The following ACACB variants were observed in gnomAD, a reference collection of about 807,000 sequenced individuals.
The protein encoded by ACACB is acetyl-CoA carboxylase 2.
A neutral mutation model predicts 278.8 loss-of-function variants in ACACB; 209 were observed. The ratio of observed to expected loss-of-function variants is 0.75; its 90% CI spans 0.67 to 0.84. ACACB has a LOEUF of 0.84. ACACB is among the 40% of genes least tolerant of loss of function. ACACB has a pLI of 0.00. For missense variants in ACACB, 2,850 were observed against 3,269.0 expected (o/e 0.87, Z 3.13); for synonymous variants, 1,174 against 1,285.6 (o/e 0.91, Z 1.86).
upstream of ACACB, among the ~76,000 whole-genome samples, chr12:109,112,297 AAT>A (rs1294920697): frequency 6.7e-6 from 1 of 150,228 alleles, no homozygotes; most frequent in Non-Finnish European, 1.5e-5. Flanking sequence ...ATATATATTC[AAT>A]ATATATGTGT....
At chr12:109,250,723 A>G (rs1031520799) in intron 41 of ACACB, among the ~76,000 whole-genome samples, 1 of 152,048 alleles carries the variant, frequency 6.6e-6, no homozygotes, top group Non-Finnish European at 1.5e-5. Context: ...TAGTAGTGGT[A>G]GTAGTGTTTG....
At position 109,246,317 on chromosome 12, in the gene ACACB, T is replaced by A. The variant is rs750750723; in HGVS notation, c.5440T>A (p.Ser1814Thr). The change falls in exon 39 of 53, where the codon TCC becomes ACC. Residue 1814 changes from serine (S) to threonine (T), a missense_variant. Around this residue, in one of 3 missense-constraint regions of ACACB, gnomAD observed 2,265 missense variants for 2,561.3 expected, o/e 0.88. Coordinates refer to ENST00000338432, the MANE Select transcript of ACACB (RefSeq NM_001093.4). Reference protein sequence around the residue: ...PGEDLLYLRASEMARAEGIPK... With the variant: ...PGEDLLYLRATEMARAEGIPK... ...AGAGGACCTTCTGTACCTGCGGGCA[T>A]CCGAGATGGCCCGGGCAGAGGGCAT... The A allele has an allele frequency of 6.2e-7, 1 of 1,612,720 alleles. No individual in the cohort carries two copies. Among genetic ancestry groups the A allele is most frequent in the Non-Finnish European group, 8.5e-7 (1 of 1,179,768 alleles).
At chr12:109,178,010 A>C (rs1463818203) in intron 9 of ACACB, among the ~76,000 whole-genome samples, 4 of 152,186 alleles carry the variant, frequency 2.6e-5, no homozygotes, top group African/African-American at 9.6e-5. Flanking sequence ...GTAGAGAGTC[A>C]GTCAAGTCAG....
intron 18 of ACACB, among the ~76,000 whole-genome samples, chr12:109,200,951 T>C (rs1019983079): frequency 1.3e-5 from 2 of 151,948 alleles, no homozygotes; most frequent in African/African-American, 2.4e-5. Context: ...CACAGAGGTA[T>C]TGGTGGGGGC....
intron 2 of ACACB, among the ~76,000 whole-genome samples, chr12:109,150,487 G>A (rs889322673): frequency 1.3e-5 from 2 of 152,238 alleles, no homozygotes; most frequent in Admixed American, 6.5e-5. Flanking sequence ...GGGTGCTGAA[G>A]TGTTCCTTCC....
intron 11 of ACACB, 142 bp from the exon 12 acceptor site, chr12:109,185,437 G>C: frequency 1.2e-6 from 1 of 866,118 alleles, no homozygotes; most frequent in South Asian, 1.7e-5. Flanking sequence ...GGCCACAGTA[G>C]AGCACCATGT....
intron 28 of ACACB, among the ~76,000 whole-genome samples, chr12:109,230,411 A>AATTCTTTT (rs59829893): frequency 0.39 from 59,410 of 151,252 alleles, 12,647 homozygotes; most frequent in African/African-American, 0.58. Flanking sequence ...CCTGAGAAGG[A>AATTCTTTT]CTCTTTTGAT....
Position 109,167,028 on chromosome 12 carries a change from G to A in ACACB, c.786+35G>A, listed in dbSNP as rs781238531. 19 of 1,612,822 alleles carry A rather than the reference G, an allele frequency of 1.2e-5. 1 individual carries two copies. Among genetic ancestry groups the A allele is most frequent in the East Asian group, 2.2e-5 (1 of 44,830 alleles). Reference sequence around the variant, plus strand: ...GGTCTCGGCACTCTGGGTGGGGTCCGATTGGGGTGCAGGGGCCCCTCCTCT... The same window carrying A: ...GGTCTCGGCACTCTGGGTGGGGTCCAATTGGGGTGCAGGGGCCCCTCCTCT... On this transcript the variant is annotated intron_variant, in intron 3 of 52. Transcript: ENST00000338432.
In ACACB at chr12:109,132,456, C is replaced by A. The variant is rs552813791; in HGVS notation, c.-9-6941C>A. Among the ~76,000 whole-genome samples, 32 of 152,264 alleles carry A rather than the reference C, an allele frequency of 2.1e-4. No homozygotes were observed. The South Asian group carries it at 3.3e-3, about 16-fold the overall frequency. On this transcript the variant is annotated intron_variant, in intron 1 of 52. Transcript: ENST00000338432. ...CTGGGATTACAGGTGTGAGCCATCA[C>A]GCCCGGTCCCATGGAGGTGTTTTAA...
At chr12:109,209,599 G>A (rs547121899) in intron 21 of ACACB, among the ~76,000 whole-genome samples, 5 of 152,150 alleles carry the variant, frequency 3.3e-5, no homozygotes, top group Admixed American at 3.3e-4. Flanking sequence ...CCAAGATTCT[G>A]AATAGGAGTG....
chr12:109,130,881 A>G (rs1429629974), intron 1 of ACACB, among the ~76,000 whole-genome samples: 1 of 152,146 alleles, frequency 6.6e-6, no homozygotes, highest in Admixed American at 6.5e-5. Context: ...TGCCCAGTAT[A>G]GCCAAACACA....
chr12:109,237,880 C>T (rs538816330), intron 34 of ACACB, among the ~76,000 whole-genome samples: 13 of 151,760 alleles, frequency 8.6e-5, no homozygotes, highest in African/African-American at 3.1e-4. Flanking sequence ...GGCGTGGTGG[C>T]GTACACCTGT....
intron 13 of ACACB, among the ~76,000 whole-genome samples, chr12:109,188,739 A>G (rs1359303309): frequency 6.6e-6 from 1 of 152,146 alleles, no homozygotes; most frequent in Non-Finnish European, 1.5e-5. Context: ...ACAAAGTAAA[A>G]TAAGTGCACC....
intron 43 of ACACB, among the ~76,000 whole-genome samples, chr12:109,253,378 G>T (rs35305860): frequency 6.6e-6 from 1 of 152,134 alleles, no homozygotes; most frequent in Admixed American, 6.5e-5. Flanking sequence ...CCATTGTAAG[G>T]ATGCTATCTG....
intron 35 of ACACB, 151 bp downstream of exon 35, chr12:109,240,136 C>A: frequency 3.3e-6 from 3 of 898,370 alleles, no homozygotes; most frequent in Non-Finnish European, 4.9e-6. Flanking sequence ...GGAGAGCAAA[C>A]CTTCTGCCAT....
chr12:109,237,157 GC>G lies in ACACB; in HGVS notation c.4447-6del. 1 of 1,613,994 alleles carries G rather than the reference GC, an allele frequency of 6.2e-7. No homozygotes were observed. Among genetic ancestry groups the G allele is most frequent in the African/African-American group, 1.3e-5 (1 of 75,022 alleles). On this transcript the variant is annotated splice_polypyrimidine_tract_variant and splice_region_variant and intron_variant, in intron 33 of 52. Coordinates refer to ENST00000338432, the MANE Select transcript of ACACB (RefSeq NM_001093.4). The stretch of plus-strand genomic sequence containing the variant: ...TGTGTCTGTCTTCTCTCTCTGGTCC[GC>G]CTACAGTTTGCAGAAGATCGCATTT...
Position 109,232,798 on chromosome 12 carries a change from C to A in ACACB, c.4131C>A (p.Asp1377Glu). Residue 1377 changes from aspartate to glutamate, a missense_variant, in exon 29 of 53, where the codon GAC becomes GAA. Physicochemically the swap from Asp to Glu is conservative, Grantham distance 45. Coordinates refer to ENST00000338432, the MANE Select transcript of ACACB (RefSeq NM_001093.4). Reference protein sequence around the residue: ...GAMVAFRRFEDFTRNFDEVIS... With the variant: ...GAMVAFRRFEEFTRNFDEVIS... Reference sequence around the variant, plus strand: ...TGGTAGCCTTCAGGAGATTCGAGGACTTCACCAGGTACCCAGCATGGCCCG... The same window carrying A: ...TGGTAGCCTTCAGGAGATTCGAGGAATTCACCAGGTACCCAGCATGGCCCG... 6.2e-7 allele frequency: 1 copy of A among 1,614,154 alleles called. No individual in the cohort carries two copies. Among genetic ancestry groups the A allele is most frequent in the Non-Finnish European group, 8.5e-7 (1 of 1,180,026 alleles).
intron 36 of ACACB, 110 bp from the exon 37 acceptor site, chr12:109,242,327 G>C: frequency 8.0e-7 from 1 of 1,252,614 alleles, no homozygotes; most frequent in South Asian, 1.4e-5. Context: ...CATGCCATGT[G>C]ACATGCTTTG....
chr12:109,144,750 C>CTTTTTTTTTTTTTTTT lies in ACACB; in HGVS notation c.653+4695_653+4696insTTTTTTTTTTTTTTTT, dbSNP rs770963307. 2.2e-4 allele frequency among the ~76,000 whole-genome samples: 19 copies of CTTTTTTTTTTTTTTTT among 86,770 alleles called. 1 individual carries two copies. Among genetic ancestry groups the CTTTTTTTTTTTTTTTT allele is most frequent in the Non-Finnish European group, 3.9e-4 (18 of 46,720 alleles). The allele number at this position is 86,770 out of a possible 152,430, so 56.9% of individuals were successfully genotyped here. A position where few individuals can be genotyped will look rare whatever the true frequency, so the allele number is the denominator to read the frequency against. On this transcript the variant is annotated intron_variant, in intron 2 of 52. Coordinates refer to ENST00000338432, the MANE Select transcript of ACACB (RefSeq NM_001093.4). ...TCTTTCTTTTTCTTTTTCTTTCTTTCTTTCTTTTTTTTTTTTTTTTTTGAG... is the reference window on the plus strand; with the variant it reads ...TCTTTCTTTTTCTTTTTCTTTCTTTCTTTTTTTTTTTTTTTTTTTCTTTTTTTTTTTTTTTTTTGAG...
Sources: allele counts gnomAD v4.1 joint callset (sites outside exome capture counted in the v4.1 genomes callset), GRCh38; gene constraint gnomAD v4.1.1; regional missense constraint gnomAD v4.1.1; transcripts MANE v1.5; gene names NCBI Gene and HGNC (gene_info 2026-07-23, HGNC 2026-07-21).